MEX3D: variants seen among roughly 807,000 people sequenced by gnomAD.
MEX3D encodes mex-3 RNA binding family member D.
A neutral mutation model predicts 6.3 loss-of-function variants in MEX3D; 4 were observed. The ratio of observed to expected loss-of-function variants is 0.64; its 90% CI spans 0.31 to 1.46. The LOEUF (loss-of-function observed/expected upper bound fraction) is 1.46. Among genes scored for constraint, MEX3D ranks in the 40% most tolerant of loss-of-function variants. The pLI is 0.07. For missense variants in MEX3D, 1,038 were observed against 994.4 expected, an observed-to-expected ratio of 1.04 and a Z score of -0.59; for synonymous variants, 626 against 494.1, an observed-to-expected ratio of 1.27 and a Z score of -3.54.
intron 1 of MEX3D, among the ~76,000 whole-genome samples, chr19:1,560,580 G>C (rs1646500489): frequency 6.6e-6 from 1 of 152,210 alleles, no homozygotes; most frequent in East Asian, 1.9e-4. Context: ...TGGGTGAGAT[G>C]ACAAATTTGG....
chr19:1,566,798 C>G (rs1176260248), intron 1 of MEX3D, among the ~76,000 whole-genome samples: 1 of 152,090 alleles, frequency 6.6e-6, no homozygotes, highest in Non-Finnish European at 1.5e-5. Context: ...GAAGCTCCGA[C>G]GATGCCACCG....
rs1351356453 is a variant in MEX3D, at chr19:1,567,685, G to C, written c.374C>G (p.Pro125Arg). The C allele has an allele frequency of 1.7e-6, 2 of 1,143,522 alleles. No individual in the cohort carries two copies. Among genetic ancestry groups the C allele is most frequent in the Non-Finnish European group, 2.2e-6 (2 of 925,258 alleles). 70.8% of individuals were successfully genotyped at this position (1,143,522 alleles called of 1,614,324 possible). Residue 125 changes from proline to arginine, a missense_variant, in exon 1 of 2, where the codon CCG becomes CGG. Pro to Arg is a moderately radical substitution (Grantham distance 103, BLOSUM62 -2). This residue lies in a region of MEX3D where 265 missense variants were observed against 206.3 expected (regional missense o/e 1.28). Coordinates refer to ENST00000402693, the MANE Select transcript of MEX3D (RefSeq NM_203304.4). This position sits in a 1 kb window ranked among gnomAD's most constrained non-coding sequence, Gnocchi z 6.5. ...LAPAVAPGSLPLLDPNASPPP... is the reference protein window; with the variant it reads ...LAPAVAPGSLRLLDPNASPPP... The stretch of plus-strand genomic sequence containing the variant: ...GGGACTCGCGTTGGGGTCCAGCAGC[G>C]GCAGCGACCCGGGGGCCACGGCGGG...
rs142648935 is a variant in MEX3D, at chr19:1,563,563, C to T, written c.595+3901G>A. 5.3e-3 allele frequency among the ~76,000 whole-genome samples: 808 copies of T among 152,328 alleles called. 4 individuals are homozygous for T. The highest frequency in any genetic ancestry group is 8.3e-3 in the Non-Finnish European group (564 of 68,034). The stretch of plus-strand genomic sequence containing the variant: ...GAGGCTGCCACGGAGCACAGATTCA[C>T]CCAGGGTGCCTGGCAAGCGGGGTGA... On this transcript the variant is annotated intron_variant, in intron 1 of 1. Coordinates refer to ENST00000402693, the MANE Select transcript of MEX3D (RefSeq NM_203304.4).
chr19:1,563,584 G>A (rs963758543), intron 1 of MEX3D, among the ~76,000 whole-genome samples: 3 of 152,190 alleles, frequency 2.0e-5, no homozygotes, highest in South Asian at 4.1e-4. Context: ...TGGCAAGCGG[G>A]GTGAGAAAGG....
chr19:1,558,405 G>C (rs1051836766), intron 1 of MEX3D, among the ~76,000 whole-genome samples: 15 of 151,640 alleles, frequency 9.9e-5, no homozygotes, highest in Non-Finnish European at 1.5e-4. Flanking sequence ...CACACACACA[G>C]AGAAGCTGGC....
At position 1,556,856 on chromosome 19, in the gene MEX3D, C is replaced by T; in HGVS notation, c.663G>A (p.Glu221=). The change falls in exon 2 of 2, where the codon GAG becomes GAA. Residue 221 remains glutamate, a synonymous_variant. Transcript: ENST00000402693. The surrounding 1 kb of genome is among the most constrained non-coding windows in gnomAD (Gnocchi z 7.5). ...TCCGGCCGGTCACGATGAAGACCGG[C>T]TCCTCGCCCCGCACTGGGGTCTTGA... ...TYIKTPVRGE[E]PVFIVTGRKE... is the part of the protein sequence containing the mutation. The T allele has an allele frequency of 6.2e-7, 1 of 1,612,554 alleles. No individual in the cohort carries two copies. The highest frequency in any genetic ancestry group is 8.5e-7 in the Non-Finnish European group (1 of 1,179,828).
At chr19:1,557,848 G>C (rs569743886) in intron 1 of MEX3D, among the ~76,000 whole-genome samples, 2 of 82,166 alleles carry the variant, frequency 2.4e-5, no homozygotes, top group Admixed American at 2.1e-4. Flanking sequence ...GTGACAGAGC[G>C]AGACTGTCTC....
In MEX3D at chr19:1,567,693, C is replaced by A; in HGVS notation, c.366G>T (p.Gly122=). ...CGTTGGGGTCCAGCAGCGGCAGCGA[C>A]CCGGGGGCCACGGCGGGGGCCAGGG... ...PPTLAPAVAP[G]SLPLLDPNAS... is the part of the protein sequence containing the mutation. The change falls in exon 1 of 2, where the codon GGG becomes GGT. Residue 122 remains glycine (G), a synonymous_variant. Transcript: ENST00000402693. This position sits in a 1 kb window ranked among gnomAD's most constrained non-coding sequence, Gnocchi z 6.5. 8.9e-7 allele frequency: 1 copy of A among 1,117,636 alleles called. No homozygotes were observed. The highest frequency in any genetic ancestry group is 1.1e-6 in the Non-Finnish European group (1 of 908,380). 69.2% of individuals were successfully genotyped at this position (1,117,636 alleles called of 1,614,324 possible).
In MEX3D at chr19:1,555,851, G is replaced by A. The variant is rs944054306; in HGVS notation, c.1668C>T (p.Ala556=). 1.5e-5 allele frequency: 20 copies of A among 1,335,094 alleles called. No homozygotes were observed. The highest frequency in any genetic ancestry group is 6.3e-5 in the African/African-American group (4 of 63,788). The allele number at this position is 1,335,094 out of a possible 1,614,324, so 82.7% of individuals were successfully genotyped here. ...PQGPVSFPGG[A]AFSTATSLPS... Reference sequence around the variant, plus strand: ...GCAGCGAGGTGGCCGTGGAGAAGGCGGCGCCGCCTGGGAAGGATACGGGGC... The same window carrying A: ...GCAGCGAGGTGGCCGTGGAGAAGGCAGCGCCGCCTGGGAAGGATACGGGGC... The change falls in exon 2 of 2, where the codon GCC becomes GCT. Residue 556 remains alanine (A), a synonymous_variant. Transcript: ENST00000402693.
At chr19:1,562,287 T>A (rs1267585190) in intron 1 of MEX3D, among the ~76,000 whole-genome samples, 1 of 121,064 alleles carries the variant, frequency 8.3e-6, no homozygotes, top group Admixed American at 9.2e-5. Context: ...TAGCCAGGTG[T>A]GGACCGGGCA....
At position 1,556,614 on chromosome 19, in the gene MEX3D, C is replaced by T. The variant is rs200218967; in HGVS notation, c.905G>A (p.Arg302Gln). ...GGGCGTCACGATGTAGGTGTGCGTC[C>T]GCTGCTGGATGCGCTTGATGGTGGC... is the stretch of plus-strand genomic sequence containing the variant. ...KGATIKRIQQ[R>Q]THTYIVTPGR... Residue 302 changes from arginine to glutamine, a missense_variant, in exon 2 of 2, where the codon CGG becomes CAG. Physicochemically the swap from Arg to Gln is conservative, Grantham distance 43. Coordinates refer to ENST00000402693, the MANE Select transcript of MEX3D (RefSeq NM_203304.4). This position sits in a 1 kb window ranked among gnomAD's most constrained non-coding sequence, Gnocchi z 7.5. The T allele has an allele frequency of 3.1e-6, 5 of 1,610,188 alleles. No homozygotes were observed. Among genetic ancestry groups the T allele is most frequent in the African/African-American group, 1.3e-5 (1 of 74,870 alleles).
intron 1 of MEX3D, among the ~76,000 whole-genome samples, chr19:1,565,305 G>A (rs1264259996): frequency 6.6e-6 from 1 of 152,210 alleles, no homozygotes; most frequent in Admixed American, 6.5e-5. Flanking sequence ...ACTTTGGGAG[G>A]TGGAGGTGGG....
At chr19:1,562,611 T>C (rs1033021482) in intron 1 of MEX3D, among the ~76,000 whole-genome samples, 16 of 152,014 alleles carry the variant, frequency 1.1e-4, no homozygotes, top group Non-Finnish European at 2.2e-4. Context: ...GGTGGGAGGA[T>C]CGTCTGAGCC....
Position 1,567,346 on chromosome 19 carries a change from G to T in MEX3D, c.595+118C>A. The T allele has an allele frequency of 8.5e-7, 1 of 1,177,458 alleles. No homozygotes were observed. Among genetic ancestry groups the T allele is most frequent in the South Asian group, 2.2e-5 (1 of 46,330 alleles). The allele number at this position is 1,177,458 out of a possible 1,614,324, so 72.9% of individuals were successfully genotyped here. ...CAGCGGCCGAGGCCGGAGCCCACGC[G>T]GGGCGTGTCCGGTGCGGGGCGTCCG... On this transcript the variant is annotated intron_variant, in intron 1 of 1. Coordinates refer to ENST00000402693, the MANE Select transcript of MEX3D (RefSeq NM_203304.4). This position sits in a 1 kb window ranked among gnomAD's most constrained non-coding sequence, Gnocchi z 6.5.
At position 1,561,118 on chromosome 19, in the gene MEX3D, G is replaced by A. The variant is rs1914706574; in HGVS notation, c.596-4195C>T. ...TGTCCCACACCCCCAACCCACAGCA[G>A]CCAAGTCTCCCCCTACCAGGGCCCC... On this transcript the variant is annotated intron_variant, in intron 1 of 1. Transcript: ENST00000402693. Among the ~76,000 whole-genome samples, 3 of 152,164 alleles carry A rather than the reference G, an allele frequency of 2.0e-5. No individual in the cohort carries two copies. The South Asian group carries it at 6.2e-4, about 31-fold the overall frequency.
intron 1 of MEX3D, among the ~76,000 whole-genome samples, chr19:1,557,859 A>C (rs868676138): frequency 2.7e-5 from 2 of 73,430 alleles, no homozygotes; most frequent in Admixed American, 1.5e-4. Flanking sequence ...AGACTGTCTC[A>C]AAAAAAAAAA....
chr19:1,557,440 C>G (rs753225673), intron 1 of MEX3D, among the ~76,000 whole-genome samples: 86 of 151,002 alleles, frequency 5.7e-4, no homozygotes, highest in Non-Finnish European at 9.6e-4. Context: ...GCGGCAGGCA[C>G]CTGTAGTCCC....
At chr19:1,566,587 T>G (rs1914845899) in intron 1 of MEX3D, among the ~76,000 whole-genome samples, 1 of 150,712 alleles carries the variant, frequency 6.6e-6, no homozygotes, top group African/African-American at 2.4e-5. Flanking sequence ...CGGGGAGGGG[T>G]GGCGGGAAGG....
intron 1 of MEX3D, among the ~76,000 whole-genome samples, chr19:1,558,900 C>A (rs1391636895): frequency 6.6e-6 from 1 of 151,674 alleles, no homozygotes; most frequent in Non-Finnish European, 1.5e-5. Context: ...CTCTCCTCAC[C>A]GATTGTGTAG....
Sources: gnomAD v4.1 joint callset for allele counts (sites outside exome capture counted in the v4.1 genomes callset) on GRCh38, gnomAD v4.1.1 for gene constraint, gnomAD v4.1.1 regional missense constraint, Gnocchi (gnomAD v3.1) non-coding constraint, MANE v1.5 for transcripts, NCBI Gene and HGNC (gene_info 2026-07-23, HGNC 2026-07-21) for gene names.